Variants in SAP130 observed in about 807,000 individuals in gnomAD.
SAP130 encodes the protein Sin3A associated protein 130.
Under a neutral mutation model 103.2 loss-of-function variants are expected in SAP130, and 16 were observed. The observed-to-expected ratio is 0.16, with a 90% confidence interval of 0.10 to 0.24. The LOEUF (loss-of-function observed/expected upper bound fraction) is 0.24. Ranked by LOEUF, SAP130 falls within the 10% of genes least tolerant of loss-of-function variation. The probability of loss-of-function intolerance (pLI) is 1.00; values close to 1 mark genes in which losing one functional copy is unlikely to be tolerated. For synonymous variants in SAP130, 477 were observed against 497.0 expected, an observed-to-expected ratio of 0.96 and a Z score of 0.53; for missense variants, 990 against 1,359.7, an observed-to-expected ratio of 0.73 and a Z score of 4.28.
At chr2:128,022,235 C>T (rs894923163) in intron 2 of SAP130, among the ~76,000 whole-genome samples, 1 of 152,212 alleles carries the variant, frequency 6.6e-6, no homozygotes, top group African/African-American at 2.4e-5. Flanking sequence ...TGGATTCTCT[C>T]CTTAGTGTAA....
intron 13 of SAP130, among the ~76,000 whole-genome samples, chr2:127,988,860 C>T (rs1682582405): frequency 6.6e-6 from 1 of 152,022 alleles, no homozygotes; most frequent in Non-Finnish European, 1.5e-5. Flanking sequence ...TCAAAAAGAT[C>T]TAAATACAGT....
intron 1 of SAP130, chr2:128,027,245 T>C: frequency 4.2e-6 from 5 of 1,182,178 alleles, no homozygotes; most frequent in Non-Finnish European, 5.2e-6. Flanking sequence ...CCAGCCCCGC[T>C]GGCCCCACTC....
At chr2:127,983,417 T>C (rs768144298) in intron 14 of SAP130, among the ~76,000 whole-genome samples, 7 of 152,200 alleles carry the variant, frequency 4.6e-5, no homozygotes, top group Non-Finnish European at 5.9e-5. Flanking sequence ...TCAAGTGCTT[T>C]TGAGGAGAAA....
chr2:127,950,355 T>C lies in SAP130; in HGVS notation c.2476A>G (p.Asn826Asp), dbSNP rs969075678. 1 of 1,614,210 alleles carries C rather than the reference T, an allele frequency of 6.2e-7. No homozygotes were observed. Among genetic ancestry groups the C allele is most frequent in the Non-Finnish European group, 8.5e-7 (1 of 1,180,016 alleles). ...TVSPSLALLA[N>D]NLSMPTSDLP... ...TCACTTGTAGGCATGGACAAGTTGTTTGCCAGCAATGCAAGAGATGGAGAC... is the reference window on the plus strand; with the variant it reads ...TCACTTGTAGGCATGGACAAGTTGTCTGCCAGCAATGCAAGAGATGGAGAC... The change falls in exon 17 of 21, where the codon AAC becomes GAC. Residue 826 changes from asparagine (N) to aspartate (D), a missense_variant. By Grantham distance (23) the Asn-to-Asp change is conservative. Transcript: ENST00000643581.
At chr2:127,978,478 C>T (rs1681632391) in intron 14 of SAP130, among the ~76,000 whole-genome samples, 2 of 152,080 alleles carry the variant, frequency 1.3e-5, no homozygotes, top group Admixed American at 1.3e-4. Context: ...TTTATAAAGA[C>T]CCCGAAGCCA....
chr2:127,942,038 CT>C lies in SAP130; in HGVS notation c.3141del (p.Val1048CysfsTer4), dbSNP rs1573604976. On this transcript the variant is annotated frameshift_variant, in exon 21 of 21. Coordinates refer to ENST00000643581, the MANE Select transcript of SAP130 (RefSeq NM_001330301.2). LOFTEE classifies it high-confidence loss of function. This position sits in a 1 kb window ranked among gnomAD's most constrained non-coding sequence, Gnocchi z 4.8. ...TTTTCCTTTCGCTTCAATTTGGACA[CT>C]TTTTTGACAGTCCCGTTCTTGTTAA... ...KLLNKNGTVK[K>X]VSKLKRKEKV The C allele has an allele frequency of 1.2e-6, 2 of 1,603,934 alleles. No homozygotes were observed. The highest frequency in any genetic ancestry group is 1.7e-6 in the Non-Finnish European group (2 of 1,176,806).
At chr2:128,006,403 A>G (rs13404474) in intron 7 of SAP130, among the ~76,000 whole-genome samples, 38,299 of 152,160 alleles carry the variant, frequency 0.25, 5,052 homozygotes, top group African/African-American at 0.33. Flanking sequence ...TTTTTCTGGA[A>G]TTTTACTTTT....
chr2:127,941,966 T>G lies in SAP130; in HGVS notation c.*40A>C, dbSNP rs1464057196. On this transcript the variant is annotated 3_prime_UTR_variant, in exon 21 of 21. Coordinates refer to ENST00000643581, the MANE Select transcript of SAP130 (RefSeq NM_001330301.2). ...ACCCTCCCCCCACCCCCACCATCATTCTTCATAAATTTGCTTCCAATCTCC... is the reference window on the plus strand; with the variant it reads ...ACCCTCCCCCCACCCCCACCATCATGCTTCATAAATTTGCTTCCAATCTCC... The G allele has an allele frequency of 2.3e-6, 1 of 435,452 alleles. No homozygotes were observed. Among genetic ancestry groups the G allele is most frequent in the Non-Finnish European group, 3.7e-6 (1 of 267,638 alleles). The allele number at this position is 435,452 out of a possible 1,614,324, so 27.0% of individuals were successfully genotyped here.
chr2:127,960,665 CAT>C (rs1244206193), intron 15 of SAP130, among the ~76,000 whole-genome samples: 10 of 152,152 alleles, frequency 6.6e-5, no homozygotes, highest in African/African-American at 1.4e-4. Flanking sequence ...AATGCATTCA[CAT>C]GTTTCAAACG....
Position 127,941,965 on chromosome 2 carries a change from T to G in SAP130, c.*41A>C. 4.9e-6 allele frequency: 2 copies of G among 408,264 alleles called. No homozygotes were observed. Among genetic ancestry groups the G allele is most frequent in the Non-Finnish European group, 8.1e-6 (2 of 245,452 alleles). The allele number at this position is 408,264 out of a possible 1,614,324, so 25.3% of individuals were successfully genotyped here. On this transcript the variant is annotated 3_prime_UTR_variant, in exon 21 of 21. Coordinates refer to ENST00000643581, the MANE Select transcript of SAP130 (RefSeq NM_001330301.2). ...AACCCTCCCCCCACCCCCACCATCA[T>G]TCTTCATAAATTTGCTTCCAATCTC...
chr2:128,015,280 T>G (rs960438196), intron 4 of SAP130, among the ~76,000 whole-genome samples: 3 of 152,242 alleles, frequency 2.0e-5, no homozygotes, highest in African/African-American at 7.2e-5. Flanking sequence ...TACATACCAC[T>G]GCATCCATCC....
At chr2:127,966,337 T>C (rs1680654875) in intron 15 of SAP130, among the ~76,000 whole-genome samples, 2 of 152,020 alleles carry the variant, frequency 1.3e-5, no homozygotes, top group African/African-American at 2.4e-5. Context: ...AGAGCGAGAC[T>C]CCGTCTCAAA....
At chr2:127,972,438 G>A (rs1252263057) in intron 15 of SAP130, among the ~76,000 whole-genome samples, 1 of 152,034 alleles carries the variant, frequency 6.6e-6, no homozygotes, top group Non-Finnish European at 1.5e-5. Flanking sequence ...CAGTGAGACT[G>A]CCATCTCTAC....
At position 127,945,662 on chromosome 2, in the gene SAP130, T is replaced by A. The variant is rs1679027420; in HGVS notation, c.2798-103A>T. The A allele has an allele frequency of 1.5e-5, 11 of 720,636 alleles. No homozygotes were observed. The South Asian group carries it at 1.7e-4, about 11-fold the overall frequency. The allele number at this position is 720,636 out of a possible 1,614,324, so 44.6% of individuals were successfully genotyped here. A position where few individuals can be genotyped will look rare whatever the true frequency, so the allele number is the denominator to read the frequency against. ...GCCATTATTTTAACAAGAATTTTAT[T>A]TTTTTTTTGAGACAGTGTCTGGCTC... On this transcript the variant is annotated intron_variant, in intron 18 of 20. Transcript: ENST00000643581.
At chr2:127,980,065 G>C (rs889352492) in intron 14 of SAP130, among the ~76,000 whole-genome samples, 2 of 151,926 alleles carry the variant, frequency 1.3e-5, no homozygotes, top group African/African-American at 2.4e-5. Flanking sequence ...TTTTACTAGA[G>C]ACGGGGTTTC....
intron 6 of SAP130, 91 bp downstream of exon 6, chr2:128,012,939 T>C (rs1314915809): frequency 9.4e-6 from 12 of 1,270,582 alleles, no homozygotes; most frequent in African/African-American, 1.6e-5. Context: ...GGCAACTAGA[T>C]GGAAAGTCCC....
chr2:128,024,204 C>T (rs566008790), intron 2 of SAP130, among the ~76,000 whole-genome samples: 2 of 152,130 alleles, frequency 1.3e-5, no homozygotes, highest in East Asian at 3.9e-4. Flanking sequence ...TGGCGGCCAC[C>T]CAAGTGGCTC....
At chr2:127,950,869 G>A (rs892707534) in intron 16 of SAP130, among the ~76,000 whole-genome samples, 17 of 152,286 alleles carry the variant, frequency 1.1e-4, no homozygotes, top group Admixed American at 9.8e-4. Flanking sequence ...TAGGGGTGGT[G>A]GAGCAAAGAG....
At chr2:127,997,475 G>A (rs1255615502) in intron 10 of SAP130, among the ~76,000 whole-genome samples, 1 of 152,214 alleles carries the variant, frequency 6.6e-6, no homozygotes, top group African/African-American at 2.4e-5. Flanking sequence ...AAGGTAAGCT[G>A]CACAGACCCA....
Sources: allele counts gnomAD v4.1 joint callset (sites outside exome capture counted in the v4.1 genomes callset), GRCh38; gene constraint gnomAD v4.1.1; non-coding constraint Gnocchi (gnomAD v3.1); transcripts MANE v1.5; gene names NCBI Gene and HGNC (gene_info 2026-07-23, HGNC 2026-07-21).